The following PFAS variants were observed in gnomAD, a reference collection of about 807,000 sequenced individuals.
PFAS encodes FGAM synthase.
In PFAS, 97 loss-of-function variants were observed where a neutral mutation model predicts 140.6. That is an observed-to-expected ratio of 0.69 (90% CI 0.59 to 0.82). The LOEUF (loss-of-function observed/expected upper bound fraction) is 0.82. Ranked by LOEUF, PFAS falls within the 40% of genes least tolerant of loss-of-function variation. The pLI, the probability that PFAS is intolerant of heterozygous loss-of-function variation, is 0.00. For synonymous variants in PFAS, 679 were observed against 718.8 expected (o/e 0.94, Z 0.88); for missense variants, 1,656 against 1,780.2 (o/e 0.93, Z 1.26).
In PFAS at chr17:8,269,347, C is replaced by G; in HGVS notation, c.*83C>G. The stretch of plus-strand genomic sequence containing the variant: ...CTCCCCCATGACCTTCAGGAGCACC[C>G]CATATTATTTCCAAAAATATCTTGG... On this transcript the variant is annotated 3_prime_UTR_variant, in exon 28 of 28. Coordinates refer to ENST00000314666, the MANE Select transcript of PFAS (RefSeq NM_012393.3). 1 of 972,708 alleles carries G rather than the reference C, an allele frequency of 1.0e-6. No homozygotes were observed. The highest frequency in any genetic ancestry group is 1.6e-5 in the South Asian group (1 of 60,612). 60.3% of individuals were successfully genotyped at this position (972,708 alleles called of 1,614,324 possible).
At chr17:8,248,197 G>A (rs1047632719), upstream of PFAS, 4 of 634,610 alleles carry the variant, frequency 6.3e-6, no homozygotes, top group Non-Finnish European at 1.1e-5. Flanking sequence ...TCCGCGAGGC[G>A]CCTCGGTGCA....
chr17:8,268,956 T>C lies in PFAS; in HGVS notation c.3709T>C (p.Tyr1237His), dbSNP rs963599749. 8.1e-6 allele frequency: 13 copies of C among 1,614,154 alleles called. No individual in the cohort carries two copies. Among genetic ancestry groups the C allele is most frequent in the Non-Finnish European group, 1.1e-5 (13 of 1,180,010 alleles). ...LPVWSAHGEG[Y>H]VAFSSPELQA... ...CTTCCCTCCTCCTTCCATCCCAGGT[T>C]ACGTAGCATTTTCTTCTCCGGAACT... The change falls in exon 28 of 28, where the codon TAC becomes CAC. Residue 1237 changes from tyrosine to histidine, a missense_variant and splice_region_variant. Physicochemically the swap from Tyr to His is moderately conservative, Grantham distance 83 (BLOSUM62 2). Coordinates refer to ENST00000314666, the MANE Select transcript of PFAS (RefSeq NM_012393.3).
chr17:8,264,742 C>T, intron 17 of PFAS, 141 bp downstream of exon 17: 1 of 1,033,870 alleles, frequency 9.7e-7, no homozygotes, highest in East Asian at 2.4e-5. Flanking sequence ...CCCTGATGGC[C>T]TGGTCTCCCT....
intron 6 of PFAS, 49 bp downstream of exon 6, chr17:8,255,959 A>C: frequency 7.2e-7 from 1 of 1,381,812 alleles, no homozygotes; most frequent in African/African-American, 1.4e-5. Context: ...GGGTGTTGGG[A>C]GAGACCACAG....
At chr17:8,248,341 A>T (rs1427950473), upstream of PFAS, among the ~76,000 whole-genome samples, 3 of 147,500 alleles carry the variant, frequency 2.0e-5, no homozygotes, top group Non-Finnish European at 4.5e-5. Context: ...CCCAGGTTCA[A>T]GGGATTTTCC....
At position 8,265,098 on chromosome 17, in the gene PFAS, G is replaced by A. The variant is rs1299718189; in HGVS notation, c.2253G>A (p.Leu751=). 6.2e-7 allele frequency: 1 copy of A among 1,612,944 alleles called. No homozygotes were observed. The highest frequency in any genetic ancestry group is 1.7e-5 in the Admixed American group (1 of 60,002). Residue 751 remains leucine (L), a synonymous_variant, in exon 18 of 28, where the codon CTG becomes CTA. Coordinates refer to ENST00000314666, the MANE Select transcript of PFAS (RefSeq NM_012393.3). ...RLAVAEALTN[L]VFALVTDLRD... ...CCGTGGCCGAAGCCCTCACCAACCT[G>A]GTGTTTGCTCTGGTCACTGACCTCC... is the stretch of plus-strand genomic sequence containing the variant.
At chr17:8,248,287 C>T (rs1988954450), upstream of PFAS, among the ~76,000 whole-genome samples, 1 of 151,852 alleles carries the variant, frequency 6.6e-6, no homozygotes, top group Non-Finnish European at 1.5e-5. Context: ...GTCGCCCAGG[C>T]TGGAGTGCAG....
intron 26 of PFAS, 41 bp from the exon 27 acceptor site, chr17:8,268,492 G>A: frequency 2.7e-6 from 4 of 1,465,690 alleles, no homozygotes; most frequent in Non-Finnish European, 3.8e-6. Flanking sequence ...CCTTTTTTGA[G>A]GTCCTCCATG....
At chr17:8,260,971 T>C (rs1057327060) in intron 11 of PFAS, among the ~76,000 whole-genome samples, 1 of 152,118 alleles carries the variant, frequency 6.6e-6, no homozygotes, top group African/African-American at 2.4e-5. Context: ...CTCCCAGGTA[T>C]ATAACTAGGG....
intron 11 of PFAS, among the ~76,000 whole-genome samples, chr17:8,260,200 G>A (rs964198980): frequency 8.1e-6 from 1 of 124,216 alleles, no homozygotes; most frequent in African/African-American, 2.9e-5. Flanking sequence ...TACAATAATG[G>A]TTTGCAGTAT....
At chr17:8,256,480 A>T (rs367552994) in intron 7 of PFAS, 44 bp from the exon 8 acceptor site, 48 of 1,613,740 alleles carry the variant, frequency 3.0e-5, no homozygotes, top group Non-Finnish European at 4.0e-5. Flanking sequence ...GGGTTAGTGT[A>T]GGTCCCAGAA....
rs1989847165 is a variant in PFAS at position 8,267,085 on chromosome 17, G to T, written c.3025G>T (p.Ala1009Ser). Residue 1009 changes from alanine to serine, a missense_variant, in exon 24 of 28, where the codon GCC becomes TCC. By Grantham distance (99) the Ala-to-Ser change is moderately conservative (BLOSUM62 1). Transcript: ENST00000314666. The surrounding 1 kb of genome is among the most constrained non-coding windows in gnomAD (Gnocchi z 4.9). ...VLEEPVGELR[A>S]LWEETSFQLD... ...GGAGGAGCCTGTTGGGGAGCTGCGA[G>T]CCCTCTGGGAGGAGACGAGTTTCCA... is the stretch of plus-strand genomic sequence containing the variant. The T allele has an allele frequency of 1.2e-5, 19 of 1,614,036 alleles. No homozygotes were observed. The highest frequency in any genetic ancestry group is 1.5e-5 in the Non-Finnish European group (18 of 1,179,990).
In PFAS at chr17:8,263,598, G is replaced by A. The variant is rs764929693; in HGVS notation, c.1591G>A (p.Asp531Asn). The change falls in exon 14 of 28, where the codon GAC (aspartate) becomes AAC (asparagine). Residue 531 changes from aspartate (D) to asparagine (N), a missense_variant. Around this residue, in one of 2 missense-constraint regions of PFAS, gnomAD observed 773 missense variants for 757.3 expected, o/e 1.02. Coordinates refer to ENST00000314666, the MANE Select transcript of PFAS (RefSeq NM_012393.3). ...AGGCAATGTCCTAAAAGAGCTGAGT[G>A]ACCCAGCTGGAGCCATCATTTACAC... ...GNGNVLKELS[D>N]PAGAIIYTSR... is the part of the protein sequence containing the mutation. 15 of 1,614,072 alleles carry A rather than the reference G, an allele frequency of 9.3e-6. No homozygotes were observed. Among genetic ancestry groups the A allele is most frequent in the Non-Finnish European group, 1.3e-5 (15 of 1,179,972 alleles).
chr17:8,264,252 A>G lies in PFAS; in HGVS notation c.1832A>G (p.Asn611Ser), dbSNP rs1177332007. ...GATCGGGAGTGTCCTGTCAGAAGAA[A>G]TGGCCAGGGGGATGCCCCCCCGACA... ...VDDRECPVRRNGQGDAPPTPL... is the reference protein window; with the variant it reads ...VDDRECPVRRSGQGDAPPTPL... The change falls in exon 16 of 28, where the codon AAT (asparagine) becomes AGT (serine). Residue 611 changes from asparagine to serine, a missense_variant. By Grantham distance (46) the Asn-to-Ser change is conservative. This residue lies in a region of PFAS where 883 missense variants were observed against 1,023.0 expected (regional missense o/e 0.86). Transcript: ENST00000314666. 6.2e-7 allele frequency: 1 copy of G among 1,614,086 alleles called. No individual in the cohort carries two copies. Among genetic ancestry groups the G allele is most frequent in the Non-Finnish European group, 8.5e-7 (1 of 1,179,994 alleles).
At chr17:8,247,786 G>A (rs1256682236), upstream of PFAS, 3 of 587,598 alleles carry the variant, frequency 5.1e-6, no homozygotes, top group Admixed American at 3.0e-5. Flanking sequence ...GAGAGTGAAC[G>A]GAGACCAGTT....
chr17:8,255,915 G>T lies in PFAS; in HGVS notation c.680+5G>T. 6.3e-7 allele frequency: 1 copy of T among 1,594,126 alleles called. No individual in the cohort carries two copies. The highest frequency in any genetic ancestry group is 8.6e-7 in the Non-Finnish European group (1 of 1,162,190). On this transcript the variant is annotated splice_donor_5th_base_variant and intron_variant, in intron 6 of 27. Coordinates refer to ENST00000314666, the MANE Select transcript of PFAS (RefSeq NM_012393.3). ...TGACTTGGCGCAGTCCAATAGGTGAGGAGAAATGGGGTTGTTCCCATACCT... is the reference window on the plus strand; with the variant it reads ...TGACTTGGCGCAGTCCAATAGGTGATGAGAAATGGGGTTGTTCCCATACCT...
Position 8,267,254 on chromosome 17 carries a change from A to G in PFAS, c.3175+19A>G, listed in dbSNP as rs746372069. ...GAGCCTGGTGAGGGAGTGTGTGCAG[A>G]GGCTCCGCGTCCTGGGGGCACTGAG... On this transcript the variant is annotated intron_variant, in intron 24 of 27. Transcript: ENST00000314666. The surrounding 1 kb of genome is among the most constrained non-coding windows in gnomAD (Gnocchi z 4.9). 1.9e-6 allele frequency: 3 copies of G among 1,601,206 alleles called. No individual in the cohort carries two copies. The highest frequency in any genetic ancestry group is 1.7e-4 in the Middle Eastern group (1 of 6,022).
intron 17 of PFAS, 118 bp from the exon 18 acceptor site, chr17:8,264,777 G>A (rs1989741996): frequency 1.0e-6 from 1 of 990,016 alleles, no homozygotes; most frequent in Non-Finnish European, 1.5e-6. Flanking sequence ...AAGTAGAGCT[G>A]TTGTCTGCAT....
At chr17:8,264,182 C>T (rs765155969) in intron 15 of PFAS, 30 bp from the exon 16 acceptor site, 5 of 1,611,958 alleles carry the variant, frequency 3.1e-6, no homozygotes, top group East Asian at 2.2e-5. Context: ...TAGTCTCATC[C>T]CCTCTGGGTG....
Sources: allele counts gnomAD v4.1 joint callset (sites outside exome capture counted in the v4.1 genomes callset), GRCh38; gene constraint gnomAD v4.1.1; regional missense constraint gnomAD v4.1.1; non-coding constraint Gnocchi (gnomAD v3.1); transcripts MANE v1.5; gene names NCBI Gene and HGNC (gene_info 2026-07-23, HGNC 2026-07-21).